PPP2R3C: variants seen among roughly 807,000 people sequenced by gnomAD.
PPP2R3C encodes the protein serine/threonine-protein phosphatase 2A regulatory subunit B'' subunit gamma.
PPP2R3C carries 47 observed loss-of-function variants against 63.7 expected under a neutral mutation model. The observed-to-expected ratio is 0.74, with a 90% confidence interval of 0.58 to 0.94. PPP2R3C has a LOEUF of 0.94. Among genes scored for constraint, PPP2R3C ranks in the 40% least tolerant of loss-of-function variants. The pLI, the probability that PPP2R3C is intolerant of heterozygous loss-of-function variation, is 0.00. For synonymous variants in PPP2R3C, 180 were observed against 177.4 expected (o/e 1.01, Z -0.12); for missense variants, 421 against 518.4 (o/e 0.81, Z 1.82).
intron 1 of PPP2R3C, 138 bp from the exon 2 acceptor site, chr14:35,116,875 T>C: frequency 3.0e-6 from 2 of 677,680 alleles, no homozygotes; most frequent in South Asian, 2.2e-5. Context: ...GCTTAGACAC[T>C]GAGCATATTA....
At chr14:35,100,536 G>A (rs2046153593) in intron 6 of PPP2R3C, 1 of 152,144 alleles carries the variant, frequency 6.6e-6, no homozygotes, top group East Asian at 1.9e-4. Context: ...AATTTTGAGC[G>A]AAACAGCAAC....
At chr14:35,099,521 T>C in intron 6 of PPP2R3C, 137 bp from the exon 7 acceptor site, 1 of 1,088,828 alleles carries the variant, frequency 9.2e-7, no homozygotes, top group South Asian at 2.0e-5. Context: ...GTGGTAAAAC[T>C]ATTTTACATT....
intron 6 of PPP2R3C, among the ~76,000 whole-genome samples, chr14:35,103,512 C>T (rs2046258998): frequency 6.6e-6 from 1 of 152,094 alleles, no homozygotes; most frequent in African/African-American, 2.4e-5. Context: ...TAACTTGTCA[C>T]TATTTGATAT....
intron 1 of PPP2R3C, among the ~76,000 whole-genome samples, chr14:35,118,653 CTTT>C (rs150866333): frequency 7.9e-6 from 1 of 125,822 alleles, no homozygotes; most frequent in African/African-American, 3.0e-5. Flanking sequence ...AGGTACCTTC[CTTT>C]TTTTTTTTTT....
At chr14:35,098,610 G>C (rs1947597690) in intron 7 of PPP2R3C, 1 of 151,892 alleles carries the variant, frequency 6.6e-6, no homozygotes, top group African/African-American at 2.4e-5. Flanking sequence ...CAGCCCCCCA[G>C]AGTGCTGAGA....
intron 6 of PPP2R3C, chr14:35,106,260 A>G (rs2046354541): frequency 6.6e-6 from 1 of 152,290 alleles, no homozygotes; most frequent in Non-Finnish European, 1.5e-5. Flanking sequence ...CATTTTGACA[A>G]CGTTGCTTTT....
At position 35,116,741 on chromosome 14, in the gene PPP2R3C, G is replaced by C. The variant is rs577477083; in HGVS notation, c.59-4C>G. On this transcript the variant is annotated splice_polypyrimidine_tract_variant and splice_region_variant and intron_variant, in intron 1 of 12. Transcript: ENST00000261475. Reference sequence around the variant, plus strand: ...AATTCTTGTTCACTTTTTTTTTCTGGTAACAAAACAGATTAAGGGGAGCAC... The same window carrying C: ...AATTCTTGTTCACTTTTTTTTTCTGCTAACAAAACAGATTAAGGGGAGCAC... The C allele has an allele frequency of 2.5e-6, 4 of 1,568,890 alleles. No homozygotes were observed. The highest frequency in any genetic ancestry group is 1.2e-5 in the South Asian group (1 of 86,810).
chr14:35,085,508 C>T lies in PPP2R3C; in HGVS notation c.*82G>A. 7.8e-7 allele frequency: 1 copy of T among 1,275,796 alleles called. No homozygotes were observed. The allele number at this position is 1,275,796 out of a possible 1,614,324, so 79.0% of individuals were successfully genotyped here. A position where few individuals can be genotyped will look rare whatever the true frequency, so the allele number is the denominator to read the frequency against. On this transcript the variant is annotated 3_prime_UTR_variant, in exon 13 of 13. Coordinates refer to ENST00000261475, the MANE Select transcript of PPP2R3C (RefSeq NM_017917.4). Reference sequence around the variant, plus strand: ...GGCATATCAAGTGTTTTATTTAGACCATTTCTGAGGATTTTGCTTTAAAGG... The same window carrying T: ...GGCATATCAAGTGTTTTATTTAGACTATTTCTGAGGATTTTGCTTTAAAGG...
chr14:35,097,968 C>T (rs1566410014), intron 7 of PPP2R3C, among the ~76,000 whole-genome samples: 2 of 152,056 alleles, frequency 1.3e-5, no homozygotes, highest in Non-Finnish European at 2.9e-5. Flanking sequence ...TCTCAGTTGC[C>T]TTACACATAA....
intron 6 of PPP2R3C, chr14:35,102,029 C>CTTTTTTTT (rs11307450): frequency 1.0e-5 from 1 of 95,408 alleles, no homozygotes; most frequent in Non-Finnish European, 2.1e-5. Flanking sequence ...TTCTCTCTCT[C>CTTTTTTTT]TTTTTTTTTT....
intron 10 of PPP2R3C, 122 bp downstream of exon 10, chr14:35,094,926 C>T (rs2045945946): frequency 1.1e-5 from 12 of 1,076,346 alleles, no homozygotes. Flanking sequence ...TGCACTCTAG[C>T]CTAGGCGACA....
At chr14:35,122,274 C>T (rs180681377), upstream of PPP2R3C, 209 of 359,140 alleles carry the variant, frequency 5.8e-4, no homozygotes, top group African/African-American at 4.1e-3. Flanking sequence ...TATCGTGTGC[C>T]TTTGGCGCGT....
intron 2 of PPP2R3C, among the ~76,000 whole-genome samples, chr14:35,116,136 C>T (rs895841928): frequency 1.3e-5 from 2 of 151,796 alleles, no homozygotes; most frequent in African/African-American, 4.8e-5. Context: ...TTTTATTGGG[C>T]TCAAAATGTT....
chr14:35,118,599 G>A (rs564523850), intron 1 of PPP2R3C, among the ~76,000 whole-genome samples: 1 of 151,036 alleles, frequency 6.6e-6, no homozygotes, highest in South Asian at 2.1e-4. Flanking sequence ...AATGCAGTGG[G>A]TTTAAGAGTT....
At chr14:35,104,455 C>T (rs916864926) in intron 6 of PPP2R3C, among the ~76,000 whole-genome samples, 3 of 152,020 alleles carry the variant, frequency 2.0e-5, no homozygotes, top group Non-Finnish European at 2.9e-5. Flanking sequence ...ATTAATTAAC[C>T]TAGTTTATAT....
chr14:35,112,874 A>T (rs2046607803), intron 2 of PPP2R3C: 1 of 152,258 alleles, frequency 6.6e-6, no homozygotes, highest in East Asian at 1.9e-4. Context: ...GTCTTTAGAC[A>T]AACTCAGCCA....
intron 2 of PPP2R3C, among the ~76,000 whole-genome samples, chr14:35,114,794 A>T (rs1307575811): frequency 6.6e-6 from 1 of 152,172 alleles, no homozygotes; most frequent in Non-Finnish European, 1.5e-5. Flanking sequence ...GGAGTACGAG[A>T]CCAGCCTGGC....
rs751784254 is a variant in PPP2R3C at position 35,095,165 on chromosome 14, A to C, written c.858T>G (p.Asp286Glu). 6.2e-7 allele frequency: 1 copy of C among 1,613,620 alleles called. No homozygotes were observed. The highest frequency in any genetic ancestry group is 1.3e-5 in the African/African-American group (1 of 74,934). The change falls in exon 10 of 13, where the codon GAT becomes GAG. Residue 286 changes from aspartate to glutamate, a missense_variant. Physicochemically the swap from Asp to Glu is conservative, Grantham distance 45. Around this residue, in one of 3 missense-constraint regions of PPP2R3C, gnomAD observed 231 missense variants for 264.8 expected, o/e 0.87. Transcript: ENST00000261475. ...LRVYGQYLNLDKDHNGMLSKE... is the reference protein window; with the variant it reads ...LRVYGQYLNLEKDHNGMLSKE... Reference sequence around the variant, plus strand: ...TACTGAGCATGCCATTGTGATCTTTATCAAGATTCAAGTACTGGCCTTGGG... The same window carrying C: ...TACTGAGCATGCCATTGTGATCTTTCTCAAGATTCAAGTACTGGCCTTGGG...
chr14:35,120,318 C>T (rs1314701855), intron 1 of PPP2R3C, among the ~76,000 whole-genome samples: 2 of 151,848 alleles, frequency 1.3e-5, no homozygotes, highest in Non-Finnish European at 2.9e-5. Context: ...ATCTCGGGCT[C>T]ACTGCAAGCT....
Sources: allele counts gnomAD v4.1 joint callset (sites outside exome capture counted in the v4.1 genomes callset), GRCh38; gene constraint gnomAD v4.1.1; regional missense constraint gnomAD v4.1.1; transcripts MANE v1.5; gene names NCBI Gene and HGNC (gene_info 2026-07-23, HGNC 2026-07-21).